The following RAB39A variants were observed in gnomAD, a reference collection of about 807,000 sequenced individuals.
RAB39A encodes RAB39A, member RAS oncogene family, also known as ras-related protein Rab-39A.
In RAB39A, 17 loss-of-function variants were observed where a neutral mutation model predicts 20.9. That is an observed-to-expected ratio of 0.81 (90% confidence interval 0.56 to 1.22). The LOEUF (loss-of-function observed/expected upper bound fraction) is 1.22. RAB39A is among the 50% of genes most tolerant of loss of function. The pLI is 0.00. For synonymous variants in RAB39A, 99 were observed against 103.4 expected, an observed-to-expected ratio of 0.96 and a Z score of 0.26; for missense variants, 234 against 270.5, an observed-to-expected ratio of 0.87 and a Z score of 0.95.
chr11:107,960,535 T>C (rs1446103632), intron 1 of RAB39A, among the ~76,000 whole-genome samples: 1 of 152,158 alleles, frequency 6.6e-6, no homozygotes, highest in Non-Finnish European at 1.5e-5. Context: ...AGTATAGCCT[T>C]GACACCTTGC....
chr11:107,942,416 A>G (rs1004455981), intron 1 of RAB39A, among the ~76,000 whole-genome samples: 2 of 152,210 alleles, frequency 1.3e-5, no homozygotes, highest in East Asian at 3.9e-4. Flanking sequence ...GTTTTTTGAG[A>G]TGGGGTCTTG....
chr11:107,940,265 A>T (rs1218158519), intron 1 of RAB39A, among the ~76,000 whole-genome samples: 2 of 151,010 alleles, frequency 1.3e-5, no homozygotes, highest in East Asian at 1.9e-4. Flanking sequence ...TATTTTTATT[A>T]TTATTATTAT....
chr11:107,946,436 GTATATA>G (rs1565464268), intron 1 of RAB39A, among the ~76,000 whole-genome samples: 46 of 30,460 alleles, frequency 1.5e-3, no homozygotes, highest in African/African-American at 4.5e-3. Flanking sequence ...GTGTGTGTGT[GTATATA>G]TATATATATA....
In RAB39A at chr11:107,962,100, A is replaced by C; in HGVS notation, c.382A>C (p.Lys128Gln). 6.8e-6 allele frequency: 11 copies of C among 1,614,176 alleles called. No individual in the cohort carries two copies. Among genetic ancestry groups the C allele is most frequent in the African/African-American group, 1.3e-5 (1 of 75,062 alleles). Residue 128 changes from lysine to glutamine, a missense_variant, in exon 2 of 2, where the codon AAA (lysine) becomes CAA (glutamine). Physicochemically the swap from Lys to Gln is moderately conservative, Grantham distance 53 (BLOSUM62 1). Transcript: ENST00000320578. Reference sequence around the variant, plus strand: ...GATTGTATTTCTGCTAGTGGGACATAAATGTGATTTAGCTTCACAACGTCA... The same window carrying C: ...GATTGTATTTCTGCTAGTGGGACATCAATGTGATTTAGCTTCACAACGTCA... ...FRIVFLLVGH[K>Q]CDLASQRQVT...
At chr11:107,955,083 AC>A (rs1470022892) in intron 1 of RAB39A, among the ~76,000 whole-genome samples, 1 of 119,162 alleles carries the variant, frequency 8.4e-6, no homozygotes. Flanking sequence ...TGCAAGCTCC[AC>A]CTCCCGGGTT....
Position 107,939,329 on chromosome 11 carries a change from G to A in RAB39A, c.227+10534G>A, listed in dbSNP as rs537319627. 2.7e-3 allele frequency among the ~76,000 whole-genome samples: 412 copies of A among 151,196 alleles called. 3 individuals carry two copies. Among genetic ancestry groups the A allele is most frequent in the Non-Finnish European group, 2.3e-3 (158 of 67,844 alleles). On this transcript the variant is annotated intron_variant, in intron 1 of 1. Transcript: ENST00000320578. ...ATTAATAGTTGAAAATAACGTGGCC[G>A]GGCGTGGTGGCTCACGCCTGTAATC... is the stretch of plus-strand genomic sequence containing the variant.
chr11:107,956,262 A>C (rs1033994058), intron 1 of RAB39A, among the ~76,000 whole-genome samples: 2 of 152,206 alleles, frequency 1.3e-5, no homozygotes, highest in Non-Finnish European at 2.9e-5. Flanking sequence ...AGTGGCTTAG[A>C]CCAAATCAAC....
In RAB39A at chr11:107,946,396, A is replaced by ATGTGTGTG. The variant is rs71047654; in HGVS notation, c.228-15516_228-15509dup. On this transcript the variant is annotated intron_variant, in intron 1 of 1. Coordinates refer to ENST00000320578, the MANE Select transcript of RAB39A (RefSeq NM_017516.3). The stretch of plus-strand genomic sequence containing the variant: ...CACACATATATATGTGGGTGTATAT[A>ATGTGTGTG]TGTGTGTGTGTGTGTGTGTGTGTGT... Among the ~76,000 whole-genome samples, 267 of 37,568 alleles carry ATGTGTGTG rather than the reference A, an allele frequency of 7.1e-3. 2 individuals are homozygous for ATGTGTGTG. The highest frequency in any genetic ancestry group is 0.022 in the Middle Eastern group (1 of 46). 24.6% of individuals were successfully genotyped at this position (37,568 alleles called of 152,430 possible). A position where few individuals can be genotyped will look rare whatever the true frequency, so the allele number is the denominator to read the frequency against.
chr11:107,957,824 C>T (rs1861452795), intron 1 of RAB39A, among the ~76,000 whole-genome samples: 1 of 152,110 alleles, frequency 6.6e-6, no homozygotes, highest in South Asian at 2.1e-4. Context: ...CTGTTCTTTT[C>T]TTCCCTCCAT....
In RAB39A at chr11:107,928,887, G is replaced by A; in HGVS notation, c.227+92G>A. On this transcript the variant is annotated intron_variant, in intron 1 of 1. Coordinates refer to ENST00000320578, the MANE Select transcript of RAB39A (RefSeq NM_017516.3). This position sits in a 1 kb window ranked among gnomAD's most constrained non-coding sequence, Gnocchi z 4.9. ...GCGTCCGCCCCGCCGGCCCTGGTCG[G>A]GAGAGGCTCTGGCCCTTCCCTCTCG... 1 of 1,086,396 alleles carries A rather than the reference G, an allele frequency of 9.2e-7. No homozygotes were observed. The highest frequency in any genetic ancestry group is 1.3e-6 in the Non-Finnish European group (1 of 773,568). The allele number at this position is 1,086,396 out of a possible 1,614,324, so 67.3% of individuals were successfully genotyped here.
At chr11:107,952,136 CATT>C (rs1861387110) in intron 1 of RAB39A, among the ~76,000 whole-genome samples, 2 of 152,296 alleles carry the variant, frequency 1.3e-5, no homozygotes, top group South Asian at 4.1e-4. Context: ...CATTTTGTCT[CATT>C]ATGCTAAAGC....
intron 1 of RAB39A, among the ~76,000 whole-genome samples, chr11:107,933,782 T>C (rs1249633129): frequency 3.3e-5 from 5 of 151,582 alleles, no homozygotes; most frequent in Non-Finnish European, 7.4e-5. Context: ...TGCCTCAGCC[T>C]CCTGAGTAGC....
At position 107,957,122 on chromosome 11, in the gene RAB39A, G is replaced by T. The variant is rs546221380; in HGVS notation, c.228-4824G>T. 1.1e-4 allele frequency among the ~76,000 whole-genome samples: 16 copies of T among 152,208 alleles called. No individual in the cohort carries two copies. In the East Asian group the frequency reaches 2.9e-3, roughly 28 times the overall value. ...ATAAGAAAGGAAGAATAGAGAGAAA[G>T]GTTTATTAGAGATGAGGGAGTCAAG... On this transcript the variant is annotated intron_variant, in intron 1 of 1. Transcript: ENST00000320578.
intron 1 of RAB39A, among the ~76,000 whole-genome samples, chr11:107,934,545 A>T (rs778890722): frequency 2.6e-5 from 4 of 152,200 alleles, no homozygotes; most frequent in African/African-American, 7.2e-5. Flanking sequence ...ACCACTAAAT[A>T]CTTGAGGTTT....
intron 1 of RAB39A, among the ~76,000 whole-genome samples, chr11:107,960,518 G>A (rs754150143): frequency 7.2e-5 from 11 of 152,146 alleles, no homozygotes; most frequent in South Asian, 2.1e-4. Context: ...GGCAAGAAAC[G>A]TAAAACAGTA....
chr11:107,960,209 CAA>C (rs57337416), intron 1 of RAB39A, among the ~76,000 whole-genome samples: 5,778 of 116,294 alleles, frequency 0.05, 372 homozygotes, highest in African/African-American at 0.16. Context: ...GACTCCATCT[CAA>C]AAAAAAAAAA....
In RAB39A at chr11:107,928,861, G is replaced by A. The variant is rs1391480316; in HGVS notation, c.227+66G>A. ...AGCCCGCCCGGACGCCCCTTCCCCA[G>A]GCGTCCGCCCCGCCGGCCCTGGTCG... On this transcript the variant is annotated intron_variant, in intron 1 of 1. Coordinates refer to ENST00000320578, the MANE Select transcript of RAB39A (RefSeq NM_017516.3). The surrounding 1 kb of genome is among the most constrained non-coding windows in gnomAD (Gnocchi z 4.9). 1 of 1,335,920 alleles carries A rather than the reference G, an allele frequency of 7.5e-7. No homozygotes were observed. Among genetic ancestry groups the A allele is most frequent in the Non-Finnish European group, 1.0e-6 (1 of 991,666 alleles). The allele number at this position is 1,335,920 out of a possible 1,614,324, so 82.8% of individuals were successfully genotyped here.
chr11:107,933,377 CTTTTT>C (rs71047649), intron 1 of RAB39A, among the ~76,000 whole-genome samples: 3 of 73,072 alleles, frequency 4.1e-5, no homozygotes, highest in African/African-American at 1.3e-4. Flanking sequence ...TTTATTCTTT[CTTTTT>C]TTTTTTTTTT....
chr11:107,932,380 A>G (rs1045798087), intron 1 of RAB39A, among the ~76,000 whole-genome samples: 4 of 152,204 alleles, frequency 2.6e-5, no homozygotes, highest in Non-Finnish European at 5.9e-5. Context: ...AAGTTGGTGG[A>G]GTGGTTCTGC....
Sources: allele counts gnomAD v4.1 joint callset (sites outside exome capture counted in the v4.1 genomes callset), GRCh38; gene constraint gnomAD v4.1.1; non-coding constraint Gnocchi (gnomAD v3.1); transcripts MANE v1.5; gene names NCBI Gene and HGNC (gene_info 2026-07-23, HGNC 2026-07-21).